The following LOC128462377 variants were observed in gnomAD, a reference collection of about 807,000 sequenced individuals.
At chr16:89,329,870 G>A in the LOC128462377 span, among the ~76,000 whole-genome samples, 7 of 152,256 alleles carry the variant, frequency 4.6e-5, no homozygotes, top group Admixed American at 2.0e-4. Flanking sequence ...GCCGGGCATG[G>A]TGGTGCGTGC....
the LOC128462377 span, among the ~76,000 whole-genome samples, chr16:89,407,147 T>C: frequency 1.3e-5 from 2 of 151,452 alleles, no homozygotes; most frequent in Non-Finnish European, 2.9e-5. Flanking sequence ...GACGTGCCAC[T>C]GCACTCCAGC....
the LOC128462377 span, among the ~76,000 whole-genome samples, chr16:89,368,757 T>A: frequency 6.6e-6 from 1 of 151,818 alleles, no homozygotes; most frequent in African/African-American, 2.4e-5. Context: ...AATACAAAAA[T>A]TAGTCAGGTG....
chr16:89,324,277 C>T, the LOC128462377 span: 13 of 1,247,038 alleles, frequency 1.0e-5, no homozygotes, highest in South Asian at 1.5e-4. Flanking sequence ...ACAGGAGCCC[C>T]GTGCTCCGGA....
At chr16:89,354,809 C>T in the LOC128462377 span, among the ~76,000 whole-genome samples, 1 of 152,112 alleles carries the variant, frequency 6.6e-6, no homozygotes, top group African/African-American at 2.4e-5. Flanking sequence ...ATCGCTTGAA[C>T]CCAGGAGGCG....
chr16:89,341,250 T>A, the LOC128462377 span, among the ~76,000 whole-genome samples: 1 of 152,202 alleles, frequency 6.6e-6, no homozygotes, highest in Non-Finnish European at 1.5e-5. Context: ...CAGACCCGGT[T>A]TGGAAACAAT....
At chr16:89,394,069 G>A in the LOC128462377 span, among the ~76,000 whole-genome samples, 1 of 152,068 alleles carries the variant, frequency 6.6e-6, no homozygotes, top group African/African-American at 2.4e-5. Flanking sequence ...GCTCCTCCCC[G>A]CCTCCCTAGC....
chr16:89,359,356 A>C, the LOC128462377 span, among the ~76,000 whole-genome samples: 67 of 152,314 alleles, frequency 4.4e-4, no homozygotes, highest in African/African-American at 1.6e-3. Flanking sequence ...CAGCCCTTTA[A>C]AAAGCAGACT....
chr16:89,395,270 T>A, the LOC128462377 span, among the ~76,000 whole-genome samples: 3 of 152,350 alleles, frequency 2.0e-5, no homozygotes, highest in East Asian at 5.8e-4. Context: ...AAGGGCTGCG[T>A]ACTGCCAGAG....
At chr16:89,356,259 G>A in the LOC128462377 span, among the ~76,000 whole-genome samples, 4 of 151,812 alleles carry the variant, frequency 2.6e-5, no homozygotes, top group East Asian at 7.8e-4. Flanking sequence ...CTTTCAGGAC[G>A]TCCAAAGGAG....
chr16:89,321,774 A>G, the LOC128462377 span, among the ~76,000 whole-genome samples: 1 of 152,098 alleles, frequency 6.6e-6, no homozygotes, highest in Non-Finnish European at 1.5e-5. Flanking sequence ...AGAGCTGACC[A>G]TGAACAACCT....
chr16:89,410,694 A>C, the LOC128462377 span, among the ~76,000 whole-genome samples: 1 of 152,266 alleles, frequency 6.6e-6, no homozygotes, highest in African/African-American at 2.4e-5. Flanking sequence ...TCATCCATTT[A>C]GCAAAACGTC....
chr16:89,379,095 C>A, the LOC128462377 span, among the ~76,000 whole-genome samples: 7 of 152,200 alleles, frequency 4.6e-5, no homozygotes, highest in Non-Finnish European at 8.8e-5. Context: ...GTCGGCAGTG[C>A]GGACCAGCCC....
At chr16:89,367,884 G>A in the LOC128462377 span, among the ~76,000 whole-genome samples, 5 of 152,178 alleles carry the variant, frequency 3.3e-5, no homozygotes, top group South Asian at 1.0e-3. Flanking sequence ...TGTGCTTGTG[G>A]TACCGGCTAC....
At chr16:89,407,248 A>G in the LOC128462377 span, among the ~76,000 whole-genome samples, 1 of 152,160 alleles carries the variant, frequency 6.6e-6, no homozygotes, top group African/African-American at 2.4e-5. Flanking sequence ...CACACGAGGA[A>G]CATCAGCAAA....
chr16:89,361,781 A>T, the LOC128462377 span: 2 of 152,276 alleles, frequency 1.3e-5, no homozygotes, highest in African/African-American at 4.8e-5. Flanking sequence ...CTAAGGGAGA[A>T]GTACAAAGTA....
At chr16:89,333,853 G>C in the LOC128462377 span, among the ~76,000 whole-genome samples, 1 of 152,132 alleles carries the variant, frequency 6.6e-6, no homozygotes. Context: ...GAAAGGGACG[G>C]TATTATTCTG....
the LOC128462377 span, among the ~76,000 whole-genome samples, chr16:89,326,051 G>A: frequency 6.6e-6 from 1 of 152,254 alleles, no homozygotes; most frequent in Non-Finnish European, 1.5e-5. Context: ...CTGTGAAGAC[G>A]AAGGGGAGGA....
At chr16:89,358,665 C>A in the LOC128462377 span, among the ~76,000 whole-genome samples, 1 of 152,196 alleles carries the variant, frequency 6.6e-6, no homozygotes, top group African/African-American at 2.4e-5. Flanking sequence ...CAGGATGCTG[C>A]CTGCAGCTCA....
chr16:89,408,940 C>G, the LOC128462377 span, among the ~76,000 whole-genome samples: 1 of 152,198 alleles, frequency 6.6e-6, no homozygotes. Flanking sequence ...AGTGAACAGG[C>G]CGCTGTGGAG....
Sources: allele counts gnomAD v4.1 joint callset (sites outside exome capture counted in the v4.1 genomes callset), GRCh38; gene constraint gnomAD v4.1.1; transcripts MANE v1.5.